SNRNP27: variants seen among roughly 807,000 people sequenced by gnomAD.
The protein encoded by SNRNP27 is small nuclear ribonucleoprotein U4/U6.U5 subunit 27.
SNRNP27 carries 22 observed loss-of-function variants against 25.1 expected under a neutral mutation model. The ratio of observed to expected loss-of-function variants is 0.88; its 90% CI spans 0.63 to 1.25. The LOEUF is 1.25. Among genes scored for constraint, SNRNP27 ranks in the 50% most tolerant of loss-of-function variants. SNRNP27 has a pLI of 0.00. For missense variants in SNRNP27, 150 were observed against 202.3 expected, an observed-to-expected ratio of 0.74 and a Z score of 1.57; for synonymous variants, 66 against 64.9, an observed-to-expected ratio of 1.02 and a Z score of -0.08.
chr2:69,899,982 C>A (rs1201747495), intron 4 of SNRNP27, among the ~76,000 whole-genome samples: 1 of 143,590 alleles, frequency 7.0e-6, no homozygotes, highest in Admixed American at 6.8e-5. Context: ...CTGCCTCAGT[C>A]CATTTTTTTT....
intron 4 of SNRNP27, among the ~76,000 whole-genome samples, chr2:69,900,462 AT>A (rs773900464): frequency 1.3e-5 from 2 of 152,200 alleles, no homozygotes; most frequent in Non-Finnish European, 2.9e-5. Context: ...CTCACAAGTA[AT>A]TTGTTCAGGA....
At chr2:69,899,722 G>A (rs1297936424) in intron 4 of SNRNP27, among the ~76,000 whole-genome samples, 1 of 152,106 alleles carries the variant, frequency 6.6e-6, no homozygotes, top group Non-Finnish European at 1.5e-5. Flanking sequence ...GAGACATTGC[G>A]CCCGGCCTCA....
intron 4 of SNRNP27, among the ~76,000 whole-genome samples, chr2:69,899,810 G>A (rs1052509198): frequency 6.6e-6 from 1 of 152,118 alleles, no homozygotes; most frequent in Non-Finnish European, 1.5e-5. Context: ...GCTCACTGCA[G>A]CCTGACCTCC....
chr2:69,900,901 G>T (rs926266201), intron 4 of SNRNP27, among the ~76,000 whole-genome samples: 1 of 152,132 alleles, frequency 6.6e-6, no homozygotes, highest in Non-Finnish European at 1.5e-5. Context: ...ACTGGGCTGG[G>T]TGCAGTGGCT....
At chr2:69,903,160 T>C (rs1676739356) in intron 4 of SNRNP27, 21 bp from the exon 5 acceptor site, 7 of 1,594,510 alleles carry the variant, frequency 4.4e-6, no homozygotes, top group Non-Finnish European at 8.6e-7. Context: ...TTTTGTCTGT[T>C]TGTTTATTGT....
At chr2:69,902,029 A>G (rs927200327) in intron 4 of SNRNP27, among the ~76,000 whole-genome samples, 1 of 152,176 alleles carries the variant, frequency 6.6e-6, no homozygotes, top group Non-Finnish European at 1.5e-5. Context: ...AGATTCTGCT[A>G]CCCTACTTTC....
intron 5 of SNRNP27, 94 bp from the exon 6 acceptor site, chr2:69,904,160 T>C: frequency 1.3e-6 from 1 of 753,300 alleles, no homozygotes; most frequent in Non-Finnish European, 2.2e-6. Flanking sequence ...ATTATAAAGA[T>C]GGTTTATAGT....
In SNRNP27 at chr2:69,893,999, C is replaced by A. The variant is rs1418120771; in HGVS notation, c.15C>A (p.Arg5=). The stretch of plus-strand genomic sequence containing the variant: ...CGGGACTCCAAATGGGTCGCAGTCG[C>A]AGCCGCTCTCCACGGAGGGGTGAGT... MGRS[R]SRSPRRERRR... Residue 5 remains arginine (R), a synonymous_variant, in exon 1 of 6, where the codon CGC becomes CGA. Transcript: ENST00000244227. The A allele has an allele frequency of 6.2e-7, 1 of 1,613,936 alleles. No homozygotes were observed. The highest frequency in any genetic ancestry group is 8.5e-7 in the Non-Finnish European group (1 of 1,179,958).
chr2:69,893,999 C>T lies in SNRNP27; in HGVS notation c.15C>T (p.Arg5=). The part of the protein sequence containing the change: MGRS[R]SRSPRRERRR... ...CGGGACTCCAAATGGGTCGCAGTCG[C>T]AGCCGCTCTCCACGGAGGGGTGAGT... The change falls in exon 1 of 6, where the codon CGC becomes CGT. Residue 5 remains arginine, a synonymous_variant. Coordinates refer to ENST00000244227, the MANE Select transcript of SNRNP27 (RefSeq NM_006857.3). 6.8e-6 allele frequency: 11 copies of T among 1,614,054 alleles called. No individual in the cohort carries two copies. Among genetic ancestry groups the T allele is most frequent in the Non-Finnish European group, 8.5e-6 (10 of 1,179,950 alleles).
chr2:69,904,330 A>C lies in SNRNP27; in HGVS notation c.*22A>C. 6.3e-7 allele frequency: 1 copy of C among 1,597,998 alleles called. No individual in the cohort carries two copies. Among genetic ancestry groups the C allele is most frequent in the Non-Finnish European group, 8.6e-7 (1 of 1,167,710 alleles). On this transcript the variant is annotated 3_prime_UTR_variant, in exon 6 of 6. Transcript: ENST00000244227. ...ATGAGAATTGAAGTGTTGAAGGATG[A>C]TTTTTTTTCCCCTCATCTTGGTCAG...
chr2:69,901,918 T>C (rs1676705972), intron 4 of SNRNP27, among the ~76,000 whole-genome samples: 1 of 152,194 alleles, frequency 6.6e-6, no homozygotes, highest in South Asian at 2.1e-4. Context: ...TATGAGAATA[T>C]TATTAGCTAA....
At chr2:69,903,867 G>T (rs1391811484) in intron 5 of SNRNP27, among the ~76,000 whole-genome samples, 1 of 152,092 alleles carries the variant, frequency 6.6e-6, no homozygotes. Flanking sequence ...GGTCTTAGGG[G>T]GAGAATCATT....
intron 1 of SNRNP27, among the ~76,000 whole-genome samples, chr2:69,894,569 G>A (rs947255951): frequency 6.6e-6 from 1 of 152,052 alleles, no homozygotes; most frequent in African/African-American, 2.4e-5. Flanking sequence ...AATGTTTTCT[G>A]GCTACCAGCC....
At chr2:69,896,682 T>C (rs1676608483) in intron 3 of SNRNP27, 134 bp downstream of exon 3, 3 of 920,698 alleles carry the variant, frequency 3.3e-6, no homozygotes, top group African/African-American at 1.7e-5. Context: ...TTTGGTTTTT[T>C]TTTTTTTGAG....
In SNRNP27 at chr2:69,904,336, T is replaced by G; in HGVS notation, c.*28T>G. 1 of 1,582,558 alleles carries G rather than the reference T, an allele frequency of 6.3e-7. No homozygotes were observed. The highest frequency in any genetic ancestry group is 8.7e-7 in the Non-Finnish European group (1 of 1,153,218). On this transcript the variant is annotated 3_prime_UTR_variant, in exon 6 of 6. Transcript: ENST00000244227. ...ATTGAAGTGTTGAAGGATGATTTTT[T>G]TTCCCCTCATCTTGGTCAGAGAGTG...
At chr2:69,904,227 A>C (rs1676755458) in intron 5 of SNRNP27, 27 bp from the exon 6 acceptor site, 1 of 1,551,098 alleles carries the variant, frequency 6.4e-7, no homozygotes, top group South Asian at 1.2e-5. Flanking sequence ...TTAAAAAAAA[A>C]CAATGAATTT....
rs151178652 is a variant in SNRNP27, at chr2:69,896,421, G to C, written c.156-15G>C. The C allele has an allele frequency of 6.2e-7, 1 of 1,609,072 alleles. No homozygotes were observed. Among genetic ancestry groups the C allele is most frequent in the East Asian group, 2.2e-5 (1 of 44,814 alleles). On this transcript the variant is annotated splice_polypyrimidine_tract_variant and intron_variant, in intron 2 of 5. Coordinates refer to ENST00000244227, the MANE Select transcript of SNRNP27 (RefSeq NM_006857.3). ...ATGTCTGTCTGTTTCTAACATCTTT[G>C]CTTATAAATATTAGATCTCCAAGAC...
At chr2:69,903,443 G>A (rs1468192384) in intron 5 of SNRNP27, 198 bp downstream of exon 5, 1 of 529,372 alleles carries the variant, frequency 1.9e-6, no homozygotes, top group African/African-American at 1.9e-5. Flanking sequence ...CTATTAGAGA[G>A]AGGGTAGTTG....
chr2:69,896,087 G>C (rs1014549199), intron 2 of SNRNP27, among the ~76,000 whole-genome samples: 1 of 151,668 alleles, frequency 6.6e-6, no homozygotes, highest in African/African-American at 2.4e-5. Flanking sequence ...AATTAGTAGC[G>C]TGAGCCACCA....
Sources: allele counts gnomAD v4.1 joint callset (sites outside exome capture counted in the v4.1 genomes callset), GRCh38; gene constraint gnomAD v4.1.1; transcripts MANE v1.5; gene names NCBI Gene and HGNC (gene_info 2026-07-23, HGNC 2026-07-21).